ANKIB1: variants seen among roughly 807,000 people sequenced by gnomAD.
The protein encoded by ANKIB1 is ankyrin repeat and IBR domain containing 1.
ANKIB1 carries 43 observed loss-of-function variants against 122.1 expected under a neutral mutation model. The ratio of observed to expected loss-of-function variants is 0.35; its 90% CI spans 0.28 to 0.45. ANKIB1 has a LOEUF of 0.45. ANKIB1 is among the 20% of genes least tolerant of loss of function. The pLI, the probability that ANKIB1 is intolerant of heterozygous loss-of-function variation, is 1.00. For synonymous variants in ANKIB1, 390 were observed against 442.0 expected (o/e 0.88, Z 1.48); for missense variants, 992 against 1,329.5 (o/e 0.75, Z 3.95).
Position 92,352,576 on chromosome 7 carries a change from A to T in ANKIB1, c.1331A>T (p.Asp444Val). ...CAAGGGTCAAATACATCTGGATCTG[A>T]TACACTCAGCTTCCCATTGCTGAGA... ...TKQGSNTSGS[D>V]TLSFPLLRAP... Residue 444 changes from aspartate to valine, a missense_variant, in exon 9 of 20, where the codon GAT (aspartate) becomes GTT (valine). Physicochemically the swap from Asp to Val is radical, Grantham distance 152. This residue lies in a region of ANKIB1 where 521 missense variants were observed against 777.7 expected (regional missense o/e 0.67). Transcript: ENST00000265742. The T allele has an allele frequency of 1.2e-6, 2 of 1,613,494 alleles. No individual in the cohort carries two copies. The highest frequency in any genetic ancestry group is 1.7e-6 in the Non-Finnish European group (2 of 1,179,818).
intron 2 of ANKIB1, among the ~76,000 whole-genome samples, chr7:92,301,055 A>G (rs570030480): frequency 7.2e-5 from 11 of 152,306 alleles, no homozygotes; most frequent in African/African-American, 2.4e-4. Flanking sequence ...ATAATATTCC[A>G]TTGTATATAT....
chr7:92,310,446 AC>A (rs775854505), intron 3 of ANKIB1, among the ~76,000 whole-genome samples: 7 of 152,056 alleles, frequency 4.6e-5, no homozygotes, highest in Non-Finnish European at 8.8e-5. Flanking sequence ...CTCTTGTCCA[AC>A]CTTAGGCCCT....
At position 92,371,480 on chromosome 7, in the gene ANKIB1, T is replaced by C. The variant is rs1804253661; in HGVS notation, c.1490T>C (p.Val497Ala). Residue 497 changes from valine (V) to alanine (A), a missense_variant, in exon 11 of 20, where the codon GTG (valine) becomes GCG (alanine). Physicochemically the swap from Val to Ala is moderately conservative, Grantham distance 64. This residue lies in a region of ANKIB1 where 521 missense variants were observed against 777.7 expected (regional missense o/e 0.67). Transcript: ENST00000265742. ...KITEMKPEEL[V>A]GVSEAYEDAA... ...GATTGTGTTTAATATCCCAAAGTTG[T>C]GGGAGTTAGTGAAGCCTACGAGGAT... 1 of 1,604,738 alleles carries C rather than the reference T, an allele frequency of 6.2e-7. No individual in the cohort carries two copies. The highest frequency in any genetic ancestry group is 8.5e-7 in the Non-Finnish European group (1 of 1,175,088).
chr7:92,295,390 AT>A (rs1302234383), intron 2 of ANKIB1, among the ~76,000 whole-genome samples: 2 of 152,086 alleles, frequency 1.3e-5, no homozygotes, highest in Non-Finnish European at 2.9e-5. Context: ...ATTTAGTCAA[AT>A]TTTCTTTATT....
chr7:92,304,636 ATTTC>A (rs914950604), intron 2 of ANKIB1, among the ~76,000 whole-genome samples: 2 of 152,148 alleles, frequency 1.3e-5, no homozygotes, highest in Non-Finnish European at 2.9e-5. Context: ...AGCTTTAATA[ATTTC>A]TTTCTTAATT....
chr7:92,392,075 G>T (rs1804798600), intron 16 of ANKIB1, among the ~76,000 whole-genome samples, 166 bp from the exon 17 acceptor site: 1 of 152,024 alleles, frequency 6.6e-6, no homozygotes, highest in Non-Finnish European at 1.5e-5. Context: ...TTAGAATTTG[G>T]AAGAAAGGAA....
chr7:92,342,896 A>G (rs545870700), intron 5 of ANKIB1, 128 bp from the exon 6 acceptor site: 1 of 721,278 alleles, frequency 1.4e-6, no homozygotes, highest in Admixed American at 2.4e-5. Flanking sequence ...ATTTGCAGTT[A>G]CTACTTTTAT....
At chr7:92,333,398 C>T (rs1382005231) in intron 5 of ANKIB1, among the ~76,000 whole-genome samples, 1 of 152,180 alleles carries the variant, frequency 6.6e-6, no homozygotes, top group Non-Finnish European at 1.5e-5. Context: ...CCTCCTGCCA[C>T]AGGCCTTTGA....
chr7:92,383,435 CA>C (rs1290555299), intron 11 of ANKIB1, among the ~76,000 whole-genome samples: 1 of 151,890 alleles, frequency 6.6e-6, no homozygotes, highest in Non-Finnish European at 1.5e-5. Context: ...AGAGGCACAA[CA>C]AAAAAAGAGA....
At chr7:92,362,041 C>A (rs1803960463) in intron 9 of ANKIB1, 144 bp from the exon 10 acceptor site, 3 of 602,456 alleles carry the variant, frequency 5.0e-6, no homozygotes, top group Non-Finnish European at 8.6e-6. Flanking sequence ...GAACTCCTGA[C>A]CTCAGGTGAT....
intron 11 of ANKIB1, among the ~76,000 whole-genome samples, chr7:92,373,584 G>A (rs1399008036): frequency 6.6e-6 from 1 of 152,128 alleles, no homozygotes; most frequent in African/African-American, 2.4e-5. Flanking sequence ...CTGACAAGTA[G>A]CATTCTTACT....
At chr7:92,298,505 A>G (rs531886233) in intron 2 of ANKIB1, among the ~76,000 whole-genome samples, 2 of 152,230 alleles carry the variant, frequency 1.3e-5, no homozygotes, top group South Asian at 2.1e-4. Context: ...TGGAAAACAT[A>G]TAAGTAAGTC....
intron 17 of ANKIB1, among the ~76,000 whole-genome samples, chr7:92,392,549 T>G (rs1281552292): frequency 1.3e-5 from 2 of 152,084 alleles, no homozygotes; most frequent in Admixed American, 6.5e-5. Flanking sequence ...ACAATATACA[T>G]TTTTGGAAAA....
rs1047961779 is a variant in ANKIB1, at chr7:92,307,340, C to T, written c.189-19C>T. 1 of 1,587,000 alleles carries T rather than the reference C, an allele frequency of 6.3e-7. No homozygotes were observed. The highest frequency in any genetic ancestry group is 1.1e-5 in the South Asian group (1 of 87,318). On this transcript the variant is annotated intron_variant, in intron 2 of 19. Transcript: ENST00000265742. ...TAAGTGATTTTCATCCTTTATTTTT[C>T]CCTTTCTTTCCATTTTAGGACTTTT...
At chr7:92,303,600 G>A (rs188492346) in intron 2 of ANKIB1, among the ~76,000 whole-genome samples, 12 of 152,238 alleles carry the variant, frequency 7.9e-5, no homozygotes, top group East Asian at 3.9e-4. Flanking sequence ...TTCCAGTAAC[G>A]GGGTAGGAAG....
At chr7:92,309,942 A>AATATATATATATATAT (rs1162113763) in intron 3 of ANKIB1, among the ~76,000 whole-genome samples, 11 of 91,756 alleles carry the variant, frequency 1.2e-4, no homozygotes, top group East Asian at 4.6e-4. Flanking sequence ...AAAAAAAAAA[A>AATATATATATATATAT]ATATATATAT....
In ANKIB1 at chr7:92,396,401, C is replaced by A; in HGVS notation, c.2320C>A (p.Gln774Lys). The A allele has an allele frequency of 6.3e-7, 1 of 1,597,066 alleles. No homozygotes were observed. Among genetic ancestry groups the A allele is most frequent in the Non-Finnish European group, 8.5e-7 (1 of 1,171,010 alleles). The stretch of plus-strand genomic sequence containing the variant: ...ATTTCAGTATCGGAGGAGGCACAGA[C>A]AACGTCGTCGAGGAGATGTTCACAG... ...AEFQYRRRHR[Q>K]RRRGDVHSLL... Residue 774 changes from glutamine (Q) to lysine (K), a missense_variant, in exon 18 of 20, where the codon CAA (glutamine) becomes AAA (lysine). Physicochemically the swap from Gln to Lys is moderately conservative, Grantham distance 53. Around this residue, in one of 4 missense-constraint regions of ANKIB1, gnomAD observed 384 missense variants for 412.0 expected, o/e 0.93. Coordinates refer to ENST00000265742, the MANE Select transcript of ANKIB1 (RefSeq NM_019004.2).
intron 10 of ANKIB1, among the ~76,000 whole-genome samples, chr7:92,363,495 G>A (rs1433967045): frequency 6.6e-6 from 1 of 152,338 alleles, no homozygotes; most frequent in East Asian, 1.9e-4. Context: ...AGAGGCTAGA[G>A]GGAAGCAGTC....
chr7:92,309,942 A>AAAAAAAAAAAAAAAAATATATAT, intron 3 of ANKIB1, among the ~76,000 whole-genome samples: 1 of 91,788 alleles, frequency 1.1e-5, no homozygotes, highest in South Asian at 3.8e-4. Flanking sequence ...AAAAAAAAAA[A>AAAAAAAAAAAAAAAAATATATAT]ATATATATAT....
Sources: gnomAD v4.1 joint callset for allele counts (sites outside exome capture counted in the v4.1 genomes callset) on GRCh38, gnomAD v4.1.1 for gene constraint, gnomAD v4.1.1 regional missense constraint, MANE v1.5 for transcripts, NCBI Gene and HGNC (gene_info 2026-07-23, HGNC 2026-07-21) for gene names.